STARD13: variants seen among roughly 807,000 people sequenced by gnomAD.
The protein encoded by STARD13 is StAR related lipid transfer domain containing 13.
STARD13 carries 62 observed loss-of-function variants against 106.4 expected under a neutral mutation model. The ratio of observed to expected loss-of-function variants is 0.58; its 90% CI spans 0.48 to 0.72. The LOEUF (loss-of-function observed/expected upper bound fraction) is 0.72. STARD13 is among the 30% of genes least tolerant of loss of function. STARD13 has a pLI of 0.00. For missense variants in STARD13, 1,387 were observed against 1,424.0 expected (o/e 0.97, Z 0.42); for synonymous variants, 565 against 553.0 (o/e 1.02, Z -0.31).
chr13:33,133,653 C>CA (rs35731008), intron 4 of STARD13, among the ~76,000 whole-genome samples: 26,268 of 147,782 alleles, frequency 0.18, 3,894 homozygotes, highest in African/African-American at 0.41. Context: ...TATACTAAAG[C>CA]AAAAAAAAAA....
upstream of STARD13, among the ~76,000 whole-genome samples, chr13:33,290,544 G>T (rs934928502): frequency 4.6e-5 from 7 of 152,242 alleles, no homozygotes; most frequent in African/African-American, 1.4e-4. Flanking sequence ...GCTTGGTCCA[G>T]ATCAGCTTTC....
At chr13:33,383,336 T>C in the STARD13 span, among the ~76,000 whole-genome samples, 1 of 151,878 alleles carries the variant, frequency 6.6e-6, no homozygotes, top group Non-Finnish European at 1.5e-5. Flanking sequence ...AGGTCGAGGC[T>C]GCAGTGAACT....
At chr13:33,278,109 G>A (rs1235388572) in intron 1 of STARD13, among the ~76,000 whole-genome samples, 1 of 152,124 alleles carries the variant, frequency 6.6e-6, no homozygotes, top group East Asian at 1.9e-4. Flanking sequence ...AGGGAAAGCT[G>A]GTTTTGCAAT....
At chr13:33,523,429 T>C in the STARD13 span, among the ~76,000 whole-genome samples, 1 of 152,196 alleles carries the variant, frequency 6.6e-6, no homozygotes, top group Admixed American at 6.6e-5. Context: ...CTTTCATATT[T>C]ATTTGTAAAA....
At chr13:33,106,224 A>T (rs1261824294) in intron 13 of STARD13, among the ~76,000 whole-genome samples, 1 of 152,218 alleles carries the variant, frequency 6.6e-6, no homozygotes, top group Non-Finnish European at 1.5e-5. Flanking sequence ...GATTGAGACC[A>T]GCCTGGCCAA....
At chr13:33,500,984 A>G in the STARD13 span, among the ~76,000 whole-genome samples, 1 of 151,088 alleles carries the variant, frequency 6.6e-6, no homozygotes, top group African/African-American at 2.4e-5. Flanking sequence ...AAACAGTATA[A>G]CTATCGGAAA....
the STARD13 span, among the ~76,000 whole-genome samples, chr13:33,602,754 T>C: frequency 6.6e-6 from 1 of 152,330 alleles, no homozygotes; most frequent in Admixed American, 6.5e-5. Context: ...TTGATGGCAT[T>C]AGATTCTCAT....
intron 1 of STARD13, among the ~76,000 whole-genome samples, chr13:33,307,353 T>C (rs1892949227): frequency 6.6e-6 from 1 of 152,168 alleles, no homozygotes; most frequent in Non-Finnish European, 1.5e-5. Context: ...TAAAGATACA[T>C]GCATGTGTAT....
At chr13:33,440,983 CA>C in the STARD13 span, among the ~76,000 whole-genome samples, 5 of 151,760 alleles carry the variant, frequency 3.3e-5, no homozygotes, top group Admixed American at 2.0e-4. Context: ...ACTCTGTGTC[CA>C]AAACTCAACG....
At chr13:33,595,499 G>A in the STARD13 span, among the ~76,000 whole-genome samples, 2 of 152,188 alleles carry the variant, frequency 1.3e-5, no homozygotes, top group African/African-American at 4.8e-5. Context: ...AATGAGAACA[G>A]AGTTTAAAAG....
Position 33,117,958 on chromosome 13 carries a change from A to G in STARD13, c.2281+107T>C, listed in dbSNP as rs536792464. 1.6e-4 allele frequency: 249 copies of G among 1,543,984 alleles called. 2 individuals carry two copies. In the South Asian group the frequency reaches 3.0e-3, roughly 19 times the overall value. The stretch of plus-strand genomic sequence containing the variant: ...GGAGAGCAGGATTACATACATCTTT[A>G]TGGATTGATGTATTATTCGTATAAT... On this transcript the variant is annotated intron_variant, in intron 8 of 13. Transcript: ENST00000336934.
chr13:33,477,159 GT>G, the STARD13 span, among the ~76,000 whole-genome samples: 42 of 152,186 alleles, frequency 2.8e-4, 2 homozygotes, highest in Non-Finnish European at 2.9e-5. Flanking sequence ...AAATGCTTAT[GT>G]TTTGTATGGC....
At chr13:33,581,418 T>C in the STARD13 span, among the ~76,000 whole-genome samples, 1 of 152,200 alleles carries the variant, frequency 6.6e-6, no homozygotes, top group African/African-American at 2.4e-5. Context: ...GTCTTGGTAG[T>C]TAATTATCAT....
At chr13:33,288,741 C>T (rs995363273), upstream of STARD13, among the ~76,000 whole-genome samples, 4 of 152,146 alleles carry the variant, frequency 2.6e-5, no homozygotes, top group South Asian at 2.1e-4. Flanking sequence ...TATACAGGGC[C>T]GCTAAAGTTT....
chr13:33,368,010 G>A, the STARD13 span, among the ~76,000 whole-genome samples: 3 of 152,186 alleles, frequency 2.0e-5, no homozygotes, highest in African/African-American at 4.8e-5. Flanking sequence ...CCAGCTTCCC[G>A]ATAATGTGGT....
chr13:33,387,326 T>C, the STARD13 span, among the ~76,000 whole-genome samples: 1 of 151,984 alleles, frequency 6.6e-6, no homozygotes, highest in Non-Finnish European at 1.5e-5. Flanking sequence ...TTCATCTCAA[T>C]AGTAGGGAAT....
chr13:33,113,578 A>G (rs763379128), intron 8 of STARD13: 1 of 515,948 alleles, frequency 1.9e-6, no homozygotes, highest in Non-Finnish European at 3.9e-6. Context: ...CTTGCTTTGC[A>G]GGATGCCTGC....
At chr13:33,499,604 T>TTCTTCTTCTTTCTTCTTCTTCTTCTTC in the STARD13 span, among the ~76,000 whole-genome samples, 1 of 39,896 alleles carries the variant, frequency 2.5e-5, no homozygotes, top group African/African-American at 9.1e-5. Flanking sequence ...CTTCTTCTTC[T>TTCTTCTTCTTTCTTCTTCTTCTTCTTC]TTCTTCTTCT....
chr13:33,572,122 G>A, the STARD13 span, among the ~76,000 whole-genome samples: 3 of 152,132 alleles, frequency 2.0e-5, no homozygotes, highest in Non-Finnish European at 2.9e-5. Context: ...CATCCTAATC[G>A]TCAACCATCA....
Sources: gnomAD v4.1 joint callset for allele counts (sites outside exome capture counted in the v4.1 genomes callset) on GRCh38, gnomAD v4.1.1 for gene constraint, MANE v1.5 for transcripts, NCBI Gene and HGNC (gene_info 2026-07-23, HGNC 2026-07-21) for gene names.